The following AUTS2 variants were observed in gnomAD, a reference collection of about 807,000 sequenced individuals.
AUTS2 encodes the protein activator of transcription and developmental regulator AUTS2, also known as autism susceptibility gene 2 protein.
In AUTS2, 17 loss-of-function variants were observed where a neutral mutation model predicts 112.4. That is an observed-to-expected ratio of 0.15 (90% CI 0.10 to 0.23). AUTS2 has a LOEUF of 0.23. Ranked by LOEUF, AUTS2 falls within the 10% of genes least tolerant of loss-of-function variation. AUTS2 has a pLI of 1.00. For missense variants in AUTS2, 1,510 were observed against 1,701.6 expected (o/e 0.89, Z 1.98); for synonymous variants, 751 against 702.7 (o/e 1.07, Z -1.09).
chr7:70,540,512 G>A (rs960538122), intron 5 of AUTS2, among the ~76,000 whole-genome samples: 1 of 152,150 alleles, frequency 6.6e-6, no homozygotes, highest in African/African-American at 2.4e-5. Flanking sequence ...TGGGTTTCTG[G>A]TGAAAGTCCA....
intron 5 of AUTS2, among the ~76,000 whole-genome samples, chr7:70,496,148 TCACACACA>T (rs762262059): frequency 1.8e-5 from 1 of 54,440 alleles, no homozygotes; most frequent in Admixed American, 2.2e-4. Flanking sequence ...CACACCCCAC[TCACACACA>T]CCACGTACAC....
intron 2 of AUTS2, among the ~76,000 whole-genome samples, chr7:69,944,065 A>G (rs1291463181): frequency 3.9e-5 from 6 of 152,240 alleles, no homozygotes; most frequent in African/African-American, 1.4e-4. Flanking sequence ...AGGCCCAGAT[A>G]ATTAAAGTGA....
chr7:70,178,450 C>G (rs1423254416), intron 4 of AUTS2, among the ~76,000 whole-genome samples: 1 of 151,990 alleles, frequency 6.6e-6, no homozygotes, highest in Non-Finnish European at 1.5e-5. Context: ...TGTTCCTGTT[C>G]CTGTTGCCAG....
At chr7:70,369,839 G>T (rs1473107649) in intron 4 of AUTS2, among the ~76,000 whole-genome samples, 1 of 152,148 alleles carries the variant, frequency 6.6e-6, no homozygotes, top group Non-Finnish European at 1.5e-5. Context: ...CGACTTGAAT[G>T]ACTTCCTGTT....
chr7:70,260,925 T>G (rs1480779720), intron 4 of AUTS2, among the ~76,000 whole-genome samples: 3 of 152,016 alleles, frequency 2.0e-5, no homozygotes, highest in Non-Finnish European at 4.4e-5. Context: ...AATTTTTGTA[T>G]TTTTAGTAGA....
At chr7:70,591,571 A>G (rs1374952109) in intron 5 of AUTS2, among the ~76,000 whole-genome samples, 1 of 151,994 alleles carries the variant, frequency 6.6e-6, no homozygotes, top group Non-Finnish European at 1.5e-5. Context: ...CTAACTTTAT[A>G]TATTTTTAGT....
chr7:70,286,197 TG>T (rs1213305933), intron 4 of AUTS2, among the ~76,000 whole-genome samples: 1 of 152,070 alleles, frequency 6.6e-6, no homozygotes, highest in African/African-American at 2.4e-5. Flanking sequence ...AGCGTAAAAA[TG>T]GGGTAAGAAC....
chr7:70,633,161 A>G (rs1331912587), intron 5 of AUTS2, among the ~76,000 whole-genome samples: 1 of 152,176 alleles, frequency 6.6e-6, no homozygotes, highest in Non-Finnish European at 1.5e-5. Context: ...GGGAGAACCT[A>G]AAGCAGAAGG....
At chr7:69,860,202 A>G (rs1334734591) in intron 1 of AUTS2, among the ~76,000 whole-genome samples, 1 of 151,956 alleles carries the variant, frequency 6.6e-6, no homozygotes, top group East Asian at 1.9e-4. Flanking sequence ...CCTGAGTTAC[A>G]GGTAGGAAAA....
intron 5 of AUTS2, among the ~76,000 whole-genome samples, chr7:70,528,922 A>C (rs1315256752): frequency 6.6e-6 from 1 of 152,090 alleles, no homozygotes; most frequent in African/African-American, 2.4e-5. Context: ...GGATAATAGC[A>C]ACCAGAAAAA....
chr7:70,106,929 T>G (rs754004307), intron 2 of AUTS2, among the ~76,000 whole-genome samples: 3 of 152,190 alleles, frequency 2.0e-5, no homozygotes, highest in South Asian at 4.1e-4. Context: ...TTTATACTTG[T>G]TAGGTAAAAT....
intron 3 of AUTS2, among the ~76,000 whole-genome samples, chr7:70,126,184 C>T (rs956893096): frequency 1.3e-5 from 2 of 152,056 alleles, no homozygotes; most frequent in Non-Finnish European, 2.9e-5. Context: ...TTTTGGAGGC[C>T]GAGGCAGGCA....
At chr7:70,348,197 A>T (rs1791585498) in intron 4 of AUTS2, among the ~76,000 whole-genome samples, 1 of 152,154 alleles carries the variant, frequency 6.6e-6, no homozygotes. Flanking sequence ...TGTAAGCAGG[A>T]GCTACTCCAT....
At chr7:70,361,074 G>A (rs990779355) in intron 4 of AUTS2, among the ~76,000 whole-genome samples, 9 of 152,140 alleles carry the variant, frequency 5.9e-5, no homozygotes, top group Non-Finnish European at 8.8e-5. Flanking sequence ...GGCCAGGCGC[G>A]GTGGCTCACG....
At chr7:70,639,439 C>T (rs1344084293) in intron 5 of AUTS2, among the ~76,000 whole-genome samples, 22 of 151,456 alleles carry the variant, frequency 1.5e-4, no homozygotes, top group Admixed American at 1.5e-3. Context: ...AACATAGGAA[C>T]ACCCTATCTT....
intron 1 of AUTS2, among the ~76,000 whole-genome samples, chr7:69,684,582 A>G (rs918137516): frequency 1.3e-5 from 2 of 152,248 alleles, no homozygotes; most frequent in Non-Finnish European, 2.9e-5. Flanking sequence ...TCAGAGCTCC[A>G]GTATTCCCAG....
intron 4 of AUTS2, among the ~76,000 whole-genome samples, chr7:70,303,346 A>AG (rs1386448790): frequency 6.6e-6 from 1 of 152,006 alleles, no homozygotes; most frequent in Non-Finnish European, 1.5e-5. Context: ...CAGGGAGCTG[A>AG]GGTTGATCTA....
chr7:70,672,659 A>G (rs1807706233), intron 5 of AUTS2, among the ~76,000 whole-genome samples: 1 of 151,862 alleles, frequency 6.6e-6, no homozygotes, highest in Admixed American at 6.6e-5. Context: ...CTGGAGTGTA[A>G]TGGCGCAATC....
chr7:70,159,802 C>T (rs1807980804), intron 4 of AUTS2, among the ~76,000 whole-genome samples: 1 of 152,156 alleles, frequency 6.6e-6, no homozygotes, highest in East Asian at 1.9e-4. Context: ...CTTCATTAAG[C>T]ATCACTAATA....
Sources: allele counts gnomAD v4.1 joint callset (sites outside exome capture counted in the v4.1 genomes callset), GRCh38; gene constraint gnomAD v4.1.1; transcripts MANE v1.5; gene names NCBI Gene and HGNC (gene_info 2026-07-23, HGNC 2026-07-21).